The following MIGA2 variants were observed in gnomAD, a reference collection of about 807,000 sequenced individuals.
The protein encoded by MIGA2 is mitoguardin 2.
MIGA2 carries 36 observed loss-of-function variants against 69.9 expected under a neutral mutation model. The observed-to-expected ratio is 0.52, with a 90% CI of 0.39 to 0.68. The LOEUF is 0.68. Ranked by LOEUF, MIGA2 falls within the 30% of genes least tolerant of loss-of-function variation. The pLI is 0.00. For synonymous variants in MIGA2, 333 were observed against 349.2 expected (o/e 0.95, Z 0.52); for missense variants, 660 against 787.7 (o/e 0.84, Z 1.94).
At chr9:129,064,229 CAG>C (rs1846217469) in intron 11 of MIGA2, among the ~76,000 whole-genome samples, 2 of 151,140 alleles carry the variant, frequency 1.3e-5, no homozygotes, top group South Asian at 2.1e-4. Flanking sequence ...TTTTTTGAGA[CAG>C]AGTCTCGCTC....
chr9:129,046,890 T>G (rs1361228922), intron 3 of MIGA2, among the ~76,000 whole-genome samples: 1 of 152,104 alleles, frequency 6.6e-6, no homozygotes, highest in Non-Finnish European at 1.5e-5. Context: ...GCGATTCTCC[T>G]GCCTCATCCT....
chr9:129,054,001 C>T lies in MIGA2; in HGVS notation c.675+4038C>T, dbSNP rs1588392049. Among the ~76,000 whole-genome samples, 3 of 152,164 alleles carry T rather than the reference C, an allele frequency of 2.0e-5. No individual in the cohort carries two copies. In the South Asian group the frequency reaches 6.2e-4, roughly 32 times the overall value. On this transcript the variant is annotated intron_variant, in intron 6 of 15. Coordinates refer to ENST00000684074, the MANE Select transcript of MIGA2 (RefSeq NM_001329990.2). ...AAGGCTGCAGTGAGCTATGATTGTG[C>T]CACTGCACTCCAGCTTGGGCAACCC...
At chr9:129,047,508 G>A (rs1845290351) in intron 3 of MIGA2, among the ~76,000 whole-genome samples, 1 of 151,924 alleles carries the variant, frequency 6.6e-6, no homozygotes. Flanking sequence ...CGTGTCCCAG[G>A]TTCAAGCGAT....
chr9:129,068,966 T>C lies in MIGA2; in HGVS notation c.1405-110T>C. 1 of 1,263,296 alleles carries C rather than the reference T, an allele frequency of 7.9e-7. No individual in the cohort carries two copies. The highest frequency in any genetic ancestry group is 1.2e-5 in the South Asian group (1 of 82,568). 78.3% of individuals were successfully genotyped at this position (1,263,296 alleles called of 1,614,324 possible). A position where few individuals can be genotyped will look rare whatever the true frequency, so the allele number is the denominator to read the frequency against. The stretch of plus-strand genomic sequence containing the variant: ...TAGGCACCTGGCCCCATCTTCCTGC[T>C]TGGAGTGGGGTGAGCTGGGTTTAAG... On this transcript the variant is annotated intron_variant, in intron 13 of 15. Coordinates refer to ENST00000684074, the MANE Select transcript of MIGA2 (RefSeq NM_001329990.2). The surrounding 1 kb of genome is among the most constrained non-coding windows in gnomAD (Gnocchi z 4.1).
intron 11 of MIGA2, chr9:129,067,379 C>G (rs1307311254): frequency 1.0e-5 from 2 of 199,316 alleles, no homozygotes; most frequent in Non-Finnish European, 2.0e-5. Context: ...CACACGAGCT[C>G]GGCAACTGCC....
At chr9:129,041,232 G>A (rs1162849313) in intron 2 of MIGA2, among the ~76,000 whole-genome samples, 1 of 152,186 alleles carries the variant, frequency 6.6e-6, no homozygotes, top group Non-Finnish European at 1.5e-5. Flanking sequence ...CTACTTGGGA[G>A]GCTGAGACAG....
chr9:129,059,362 C>T lies in MIGA2; in HGVS notation c.793+91C>T. 1.0e-6 allele frequency: 1 copy of T among 955,994 alleles called. No individual in the cohort carries two copies. The highest frequency in any genetic ancestry group is 1.6e-6 in the Non-Finnish European group (1 of 623,210). The allele number at this position is 955,994 out of a possible 1,614,324, so 59.2% of individuals were successfully genotyped here. ...TGCGAGAACCGGGTCGTGGTTCTCT[C>T]AGTGCGTCCAATGAATCAGAATCCC... On this transcript the variant is annotated intron_variant, in intron 7 of 15. Coordinates refer to ENST00000684074, the MANE Select transcript of MIGA2 (RefSeq NM_001329990.2). The surrounding 1 kb of genome is among the most constrained non-coding windows in gnomAD (Gnocchi z 5.6).
chr9:129,042,152 G>A (rs549095278), intron 2 of MIGA2, 152 bp from the exon 3 acceptor site: 271 of 691,838 alleles, frequency 3.9e-4, no homozygotes, highest in Admixed American at 1.6e-3. Flanking sequence ...CAACTTCCCC[G>A]TCTAGGGTGG....
At position 129,063,650 on chromosome 9, in the gene MIGA2, G is replaced by T; in HGVS notation, c.1170+19G>T. On this transcript the variant is annotated intron_variant, in intron 11 of 15. Transcript: ENST00000684074. ...TGAGAAGGTAGCAGGGGGTGGGGTG[G>T]GGGGGCAAATTATAAAATGCAAACC... The T allele has an allele frequency of 1.3e-6, 2 of 1,487,188 alleles. No homozygotes were observed. Among genetic ancestry groups the T allele is most frequent in the South Asian group, 2.3e-5 (2 of 88,360 alleles). The allele number at this position is 1,487,188 out of a possible 1,614,324, so 92.1% of individuals were successfully genotyped here.
Position 129,042,298 on chromosome 9 carries a change from C to T in MIGA2, c.97-6C>T, listed in dbSNP as rs1564600080. 3.1e-6 allele frequency: 5 copies of T among 1,611,988 alleles called. No individual in the cohort carries two copies. Among genetic ancestry groups the T allele is most frequent in the Non-Finnish European group, 4.2e-6 (5 of 1,179,798 alleles). ...TGTAACCGGCAGCGTCTCCTCTTCC[C>T]TGCAGTCTGCATTCTCCCAGCTACG... On this transcript the variant is annotated splice_polypyrimidine_tract_variant and splice_region_variant and intron_variant, in intron 2 of 15. Transcript: ENST00000684074.
At position 129,050,706 on chromosome 9, in the gene MIGA2, G is replaced by A. The variant is rs147449559; in HGVS notation, c.675+743G>A. On this transcript the variant is annotated intron_variant, in intron 6 of 15. Coordinates refer to ENST00000684074, the MANE Select transcript of MIGA2 (RefSeq NM_001329990.2). The stretch of plus-strand genomic sequence containing the variant: ...CCTGCCTCAGCCTCCTGAGTAGCTG[G>A]GATTACAGGTGCCTGCCACCACACC... Among the ~76,000 whole-genome samples the A allele has an allele frequency of 1.7e-3, 250 of 151,034 alleles. 2 individuals are homozygous for A. The highest frequency in any genetic ancestry group is 5.7e-3 in the African/African-American group (236 of 41,076).
chr9:129,037,040 G>A, intron 1 of MIGA2: 2 of 1,002,738 alleles, frequency 2.0e-6, no homozygotes, highest in Non-Finnish European at 2.4e-6. Flanking sequence ...ATATTCCGGG[G>A]TGGGGGCAAG....
Position 129,068,009 on chromosome 9 carries a change from C to A in MIGA2, c.1269+138C>A. 7.8e-7 allele frequency: 1 copy of A among 1,281,548 alleles called. No individual in the cohort carries two copies. The highest frequency in any genetic ancestry group is 1.1e-6 in the Non-Finnish European group (1 of 907,864). 79.4% of individuals were successfully genotyped at this position (1,281,548 alleles called of 1,614,324 possible). On this transcript the variant is annotated intron_variant, in intron 12 of 15. Transcript: ENST00000684074. The surrounding 1 kb of genome is among the most constrained non-coding windows in gnomAD (Gnocchi z 4.1). ...ACTGCTCATAGTCCCCGGTTCCTGC[C>A]CTGCCCCAGGCCAAGGCAGAGGGAG...
At position 129,049,819 on chromosome 9, in the gene MIGA2, G is replaced by A. The variant is rs753291152; in HGVS notation, c.539-8G>A. The A allele has an allele frequency of 1.3e-5, 21 of 1,613,926 alleles. No individual in the cohort carries two copies. The Admixed American group carries it at 3.2e-4, about 24-fold the overall frequency. ...CTGACCCACGCTTTTCGCCTCACCT[G>A]TGCTCAGGCATGGAGCTGTTTGAGG... On this transcript the variant is annotated splice_polypyrimidine_tract_variant and splice_region_variant and intron_variant, in intron 5 of 15. Coordinates refer to ENST00000684074, the MANE Select transcript of MIGA2 (RefSeq NM_001329990.2).
intron 3 of MIGA2, chr9:129,047,240 G>T (rs970230043): frequency 9.2e-5 from 14 of 151,782 alleles, no homozygotes; most frequent in African/African-American, 3.4e-4. Context: ...ACCATACCTG[G>T]CTAATTTTTT....
In MIGA2 at chr9:129,055,427, A is replaced by G. The variant is rs368573271; in HGVS notation, c.676-3727A>G. ...AAATGATAAAGACTAGTATCTACAT[A>G]TATTTTATGTATTTGTGACGTATCT... On this transcript the variant is annotated intron_variant, in intron 6 of 15. Coordinates refer to ENST00000684074, the MANE Select transcript of MIGA2 (RefSeq NM_001329990.2). 4.6e-5 allele frequency among the ~76,000 whole-genome samples: 7 copies of G among 152,100 alleles called. No individual in the cohort carries two copies. The East Asian group carries it at 1.2e-3, about 25-fold the overall frequency.
chr9:129,062,285 C>T (rs369905259), intron 9 of MIGA2, among the ~76,000 whole-genome samples: 1 of 151,572 alleles, frequency 6.6e-6, no homozygotes, highest in East Asian at 2.0e-4. Flanking sequence ...AATTCCAGCA[C>T]TTTGGGAGGC....
At chr9:129,067,970 G>A in intron 12 of MIGA2, 99 bp downstream of exon 12, 4 of 1,403,400 alleles carry the variant, frequency 2.9e-6, no homozygotes, top group South Asian at 2.5e-5. Context: ...CCAAGCGGCT[G>A]AGACGGTTCC....
rs1459386336 is a variant in MIGA2, at chr9:129,072,039, CACTG to C, written c.*1591_*1594del. On this transcript the variant is annotated 3_prime_UTR_variant, in exon 16 of 16. Coordinates refer to ENST00000684074, the MANE Select transcript of MIGA2 (RefSeq NM_001329990.2). ...CGACTTTTGGATGGTAGAGTGTGTG[CACTG>C]ACTGTGAGTCGAATAAACAATTGAG... The C allele has an allele frequency of 1.3e-5, 2 of 152,822 alleles. No individual in the cohort carries two copies. Among genetic ancestry groups the C allele is most frequent in the Middle Eastern group, 3.4e-3 (1 of 296 alleles). The allele number at this position is 152,822 out of a possible 1,614,324, so 9.5% of individuals were successfully genotyped here.
Sources: allele counts gnomAD v4.1 joint callset (sites outside exome capture counted in the v4.1 genomes callset), GRCh38; gene constraint gnomAD v4.1.1; non-coding constraint Gnocchi (gnomAD v3.1); transcripts MANE v1.5; gene names NCBI Gene and HGNC (gene_info 2026-07-23, HGNC 2026-07-21).